ANK3: variants seen among roughly 807,000 people sequenced by gnomAD.
ANK3 encodes ankyrin-3.
In ANK3, 57 loss-of-function variants were observed where a neutral mutation model predicts 370.9. That is an observed-to-expected ratio of 0.15 (90% CI 0.12 to 0.19). The LOEUF (loss-of-function observed/expected upper bound fraction) is 0.19, where lower values mean the gene tolerates loss of function less well. ANK3 is among the 10% of genes least tolerant of loss of function. The probability of loss-of-function intolerance (pLI) is 1.00; values close to 1 mark genes in which losing one functional copy is unlikely to be tolerated. For synonymous variants in ANK3, 1,929 were observed against 1,946.3 expected (o/e 0.99, Z 0.23); for missense variants, 4,439 against 5,302.1 (o/e 0.84, Z 5.06).
intron 2 of ANK3, among the ~76,000 whole-genome samples, chr10:60,547,672 CAG>C (rs932759782): frequency 6.7e-6 from 1 of 148,360 alleles, no homozygotes; most frequent in Non-Finnish European, 1.5e-5. Context: ...GACAGAGAGA[CAG>C]AGAGAGAGAG....
chr10:60,308,893 G>C (rs1272948833), intron 1 of ANK3, among the ~76,000 whole-genome samples: 1 of 152,018 alleles, frequency 6.6e-6, no homozygotes, highest in African/African-American at 2.4e-5. Flanking sequence ...GATGCCTGGG[G>C]GAACTTTTGC....
At chr10:60,520,402 A>G (rs922250566) in intron 2 of ANK3, among the ~76,000 whole-genome samples, 23 of 152,146 alleles carry the variant, frequency 1.5e-4, no homozygotes, top group African/African-American at 5.5e-4. Flanking sequence ...GAACCTGCAC[A>G]TACACTACCT....
intron 28 of ANK3, among the ~76,000 whole-genome samples, chr10:60,092,978 C>T (rs539362029): frequency 6.6e-6 from 1 of 152,160 alleles, no homozygotes; most frequent in Non-Finnish European, 1.5e-5. Flanking sequence ...TCAGGCAATC[C>T]GGCTGCCTTG....
At chr10:60,707,541 C>T (rs2079637726) in intron 1 of ANK3, among the ~76,000 whole-genome samples, 1 of 151,712 alleles carries the variant, frequency 6.6e-6, no homozygotes, top group East Asian at 1.9e-4. Context: ...TAGAATTTTT[C>T]CTGAAACTCC....
chr10:60,673,599 G>A (rs993090553), intron 1 of ANK3, among the ~76,000 whole-genome samples: 3 of 152,064 alleles, frequency 2.0e-5, no homozygotes, highest in East Asian at 1.9e-4. Context: ...TGATCCACCC[G>A]CCTCAGCCTC....
chr10:60,157,101 G>A (rs2095354430), intron 23 of ANK3, among the ~76,000 whole-genome samples: 1 of 143,452 alleles, frequency 7.0e-6, no homozygotes. Flanking sequence ...GCAGTGGCAT[G>A]ATCTCGGCTC....
chr10:60,232,199 T>C (rs1272955201), intron 8 of ANK3, among the ~76,000 whole-genome samples: 4 of 152,186 alleles, frequency 2.6e-5, no homozygotes, highest in Admixed American at 6.5e-5. Context: ...ACAAATCATT[T>C]TGCTGTTCTG....
chr10:60,677,614 C>T (rs1300195060), intron 1 of ANK3, among the ~76,000 whole-genome samples: 1 of 151,880 alleles, frequency 6.6e-6, no homozygotes, highest in Non-Finnish European at 1.5e-5. Flanking sequence ...ATCTGAATTC[C>T]TTAGATGTGC....
chr10:60,723,986 T>A (rs7081922), intron 1 of ANK3, among the ~76,000 whole-genome samples: 1 of 146,956 alleles, frequency 6.8e-6, no homozygotes, highest in African/African-American at 2.5e-5. Context: ...CGAGGCGGGC[T>A]GATCACGAGG....
rs1267600975 is a variant in ANK3, at chr10:60,026,696, C to T, written c.*3150G>A. On this transcript the variant is annotated 3_prime_UTR_variant, in exon 44 of 44. Coordinates refer to ENST00000280772, the MANE Select transcript of ANK3 (RefSeq NM_020987.5). Reference sequence around the variant, plus strand: ...TTTACAGAGGAAAGGAGGCTAGCTGCTTATGTGTTCAATGAAGTAATAGAT... The same window carrying T: ...TTTACAGAGGAAAGGAGGCTAGCTGTTTATGTGTTCAATGAAGTAATAGAT... The T allele has an allele frequency of 6.6e-6, 1 of 152,078 alleles. No individual in the cohort carries two copies. Among genetic ancestry groups the T allele is most frequent in the Non-Finnish European group, 1.5e-5 (1 of 68,020 alleles). The allele number at this position is 152,078 out of a possible 1,614,324, so 9.4% of individuals were successfully genotyped here. A position where few individuals can be genotyped will look rare whatever the true frequency, so the allele number is the denominator to read the frequency against.
intron 1 of ANK3, among the ~76,000 whole-genome samples, chr10:60,727,758 A>G (rs1283014307): frequency 2.0e-5 from 3 of 152,132 alleles, no homozygotes; most frequent in Admixed American, 6.5e-5. Flanking sequence ...TCTACTTGGC[A>G]TTTATTTTGT....
intron 1 of ANK3, among the ~76,000 whole-genome samples, chr10:60,293,188 A>G (rs1335710451): frequency 6.6e-6 from 1 of 152,182 alleles, no homozygotes; most frequent in Non-Finnish European, 1.5e-5. Flanking sequence ...TGTTTACCAG[A>G]GAGAGTGGCT....
chr10:60,510,837 A>T (rs552340448), intron 2 of ANK3, among the ~76,000 whole-genome samples: 21 of 151,992 alleles, frequency 1.4e-4, no homozygotes, highest in African/African-American at 3.9e-4. Context: ...ATAAATAAAT[A>T]AAATAAAATA....
intron 1 of ANK3, among the ~76,000 whole-genome samples, chr10:60,687,435 G>A (rs1198537176): frequency 1.3e-5 from 2 of 151,770 alleles, no homozygotes; most frequent in Admixed American, 1.3e-4. Context: ...TGGTCAACAG[G>A]CACACAAAAA....
chr10:60,598,398 G>T (rs1328985418), intron 2 of ANK3, among the ~76,000 whole-genome samples: 1 of 152,066 alleles, frequency 6.6e-6, no homozygotes, highest in Non-Finnish European at 1.5e-5. Context: ...AAAATAAATT[G>T]TACCTATCTT....
intron 18 of ANK3, among the ~76,000 whole-genome samples, chr10:60,177,623 A>C (rs1591318740): frequency 2.6e-5 from 2 of 78,060 alleles, no homozygotes; most frequent in African/African-American, 4.6e-5. Context: ...TTTGAGATGG[A>C]GTCTCGCTCT....
rs191887361 is a variant in ANK3, at chr10:60,667,847, C to G, written c.58-52623G>C. 1.3e-3 allele frequency among the ~76,000 whole-genome samples: 204 copies of G among 151,586 alleles called. 13 individuals carry two copies. Among genetic ancestry groups the G allele is most frequent in the African/African-American group, 4.8e-3 (195 of 40,906 alleles). On this transcript the variant is annotated intron_variant, in intron 1 of 43. Transcript: ENST00000373827. ...TATTCTGGAATGGCCCTGAATCTCTCTCTTTCCTGGTTAGAGCAATGTTTC... is the reference window on the plus strand; with the variant it reads ...TATTCTGGAATGGCCCTGAATCTCTGTCTTTCCTGGTTAGAGCAATGTTTC...
At chr10:60,377,400 C>T (rs2060931545) in intron 1 of ANK3, among the ~76,000 whole-genome samples, 1 of 152,220 alleles carries the variant, frequency 6.6e-6, no homozygotes, top group South Asian at 2.1e-4. Context: ...TGTAAATACA[C>T]AGTGCCAATA....
intron 1 of ANK3, among the ~76,000 whole-genome samples, chr10:60,638,540 A>G (rs2078585895): frequency 6.6e-6 from 1 of 152,108 alleles, no homozygotes; most frequent in African/African-American, 2.4e-5. Flanking sequence ...AAGAAGCAGA[A>G]AAAAAAATCC....
Sources: gnomAD v4.1 joint callset for allele counts (sites outside exome capture counted in the v4.1 genomes callset) on GRCh38, gnomAD v4.1.1 for gene constraint, MANE v1.5 for transcripts, NCBI Gene and HGNC (gene_info 2026-07-23, HGNC 2026-07-21) for gene names.